Variants in LATS1 observed in about 807,000 individuals in gnomAD.
LATS1 encodes the protein serine/threonine-protein kinase LATS1.
LATS1 carries 25 observed loss-of-function variants against 106.6 expected under a neutral mutation model. The ratio of observed to expected loss-of-function variants is 0.23; its 90% CI spans 0.17 to 0.33. LATS1 has a LOEUF of 0.33. LATS1 is among the 10% of genes least tolerant of loss of function. The probability of loss-of-function intolerance (pLI) is 1.00; values close to 1 mark genes in which losing one functional copy is unlikely to be tolerated. For missense variants in LATS1, 1,040 were observed against 1,382.6 expected (o/e 0.75, Z 3.93); for synonymous variants, 465 against 455.6 (o/e 1.02, Z -0.26).
chr6:149,687,112 A>G (rs1782427340), intron 3 of LATS1, among the ~76,000 whole-genome samples: 1 of 148,256 alleles, frequency 6.7e-6, no homozygotes, highest in African/African-American at 2.5e-5. Flanking sequence ...TTTTTTTGAG[A>G]CAGAGACTTG....
chr6:149,701,945 T>C lies in LATS1; in HGVS notation c.182A>G (p.Asp61Gly), dbSNP rs773167946. Residue 61 changes from aspartate to glycine, a missense_variant, in exon 2 of 8, where the codon GAT becomes GGT. Asp to Gly is a moderately conservative substitution (Grantham distance 94). This residue lies in a region of LATS1 where 624 missense variants were observed against 714.8 expected (regional missense o/e 0.87). Coordinates refer to ENST00000543571, the MANE Select transcript of LATS1 (RefSeq NM_004690.4). ...EHNMSKMSTE[D>G]PRQVRNPPKF... The stretch of plus-strand genomic sequence containing the variant: ...GGGTGGATTTCTGACTTGTCGAGGA[T>C]CTTCGGTTGACATTTTACTCATGTT... 1.2e-6 allele frequency: 2 copies of C among 1,614,064 alleles called. No homozygotes were observed. The highest frequency in any genetic ancestry group is 2.7e-5 in the African/African-American group (2 of 74,928).
chr6:149,695,563 G>A (rs1582900812), intron 2 of LATS1, among the ~76,000 whole-genome samples: 1 of 151,938 alleles, frequency 6.6e-6, no homozygotes, highest in African/African-American at 2.4e-5. Context: ...TGTAATTCCA[G>A]CTACTCAGGA....
In LATS1 at chr6:149,676,560, C is replaced by T. The variant is rs749907686; in HGVS notation, c.2771G>A (p.Arg924Gln). ...ATATGAAAGAAGTGCTTTACCTGTT[C>T]GTAGCAACACTTCAGGTGCAATATA... ...PNYIAPEVLL[R>Q]TGYTQLCDWW... Residue 924 changes from arginine to glutamine, a missense_variant, in exon 6 of 8, where the codon CGA becomes CAA. By Grantham distance (43) the Arg-to-Gln change is conservative. Transcript: ENST00000543571. 13 of 1,613,180 alleles carry T rather than the reference C, an allele frequency of 8.1e-6. No homozygotes were observed. Among genetic ancestry groups the T allele is most frequent in the East Asian group, 2.2e-5 (1 of 44,874 alleles).
At chr6:149,687,197 T>TGC (rs1782438754) in intron 3 of LATS1, among the ~76,000 whole-genome samples, 2 of 151,796 alleles carry the variant, frequency 1.3e-5, no homozygotes, top group East Asian at 3.9e-4. Flanking sequence ...TTTAGGCGAT[T>TGC]CTCCTGCCTC....
At chr6:149,688,454 G>A (rs1415066761) in intron 3 of LATS1, among the ~76,000 whole-genome samples, 3 of 151,774 alleles carry the variant, frequency 2.0e-5, no homozygotes, top group South Asian at 2.1e-4. Flanking sequence ...GATTACAGGC[G>A]CCCACCACCA....
At chr6:149,678,571 CAGA>C (rs1312879060) in intron 5 of LATS1, among the ~76,000 whole-genome samples, 1 of 152,172 alleles carries the variant, frequency 6.6e-6, no homozygotes, top group African/African-American at 2.4e-5. Context: ...CTTGTGTTCA[CAGA>C]AGCACAGGAG....
intron 2 of LATS1, among the ~76,000 whole-genome samples, chr6:149,701,287 T>C (rs1241711035): frequency 6.6e-6 from 1 of 152,232 alleles, no homozygotes. Flanking sequence ...GACTTGGCAG[T>C]TAGCCTGAAG....
Position 149,672,715 on chromosome 6 carries a change from G to A in LATS1, c.2883+3545C>T, listed in dbSNP as rs1052590425. Among the ~76,000 whole-genome samples, 3 of 151,950 alleles carry A rather than the reference G, an allele frequency of 2.0e-5. No homozygotes were observed. The South Asian group carries it at 6.2e-4, about 31-fold the overall frequency. ...AATCCCAGCACTTTGGGAGGCCGAG[G>A]TGGGTGGACCACCTGAGGTCAGGAG... On this transcript the variant is annotated intron_variant, in intron 7 of 7. Coordinates refer to ENST00000543571, the MANE Select transcript of LATS1 (RefSeq NM_004690.4).
At position 149,683,736 on chromosome 6, in the gene LATS1, G is replaced by A; in HGVS notation, c.1353C>T (p.Ile451=). 1 of 1,613,994 alleles carries A rather than the reference G, an allele frequency of 6.2e-7. No individual in the cohort carries two copies. The highest frequency in any genetic ancestry group is 1.1e-5 in the South Asian group (1 of 91,080). ...CTGGTATGTTAGGTTGCCATGTAGG[G>A]ATTTCATGCCCACTGCTCGGGGATG... ...AQSSPSSGHE[I]PTWQPNIPVR... Residue 451 remains isoleucine, a synonymous_variant, in exon 4 of 8, where the codon ATC becomes ATT. Coordinates refer to ENST00000543571, the MANE Select transcript of LATS1 (RefSeq NM_004690.4).
intron 7 of LATS1, among the ~76,000 whole-genome samples, chr6:149,668,575 A>G (rs1177733715): frequency 1.3e-5 from 2 of 150,864 alleles, no homozygotes; most frequent in Non-Finnish European, 2.9e-5. Context: ...AGCTGGGACC[A>G]CAGGCATGTG....
chr6:149,695,183 TCTG>T lies in LATS1; in HGVS notation c.384_386del (p.Asn128_Arg129delinsLys), dbSNP rs745727612. 30 of 1,609,768 alleles carry T rather than the reference TCTG, an allele frequency of 1.9e-5. No individual in the cohort carries two copies. The highest frequency in any genetic ancestry group is 2.5e-5 in the Non-Finnish European group (29 of 1,176,962). On this transcript the variant is annotated inframe_deletion, in exon 3 of 8. Transcript: ENST00000543571. Reference sequence around the variant, plus strand: ...TGAATTCAATTGCTGCTTCTATACTTCTGTTGTTAGTTTTCTGAAGAGCTTGTA... The same window carrying T: ...TGAATTCAATTGCTGCTTCTATACTTTTGTTAGTTTTCTGAAGAGCTTGTA...
chr6:149,679,858 T>G lies in LATS1; in HGVS notation c.2593+17A>C. The G allele has an allele frequency of 6.7e-7, 1 of 1,495,892 alleles. No homozygotes were observed. The highest frequency in any genetic ancestry group is 9.0e-7 in the Non-Finnish European group (1 of 1,107,822). The allele number at this position is 1,495,892 out of a possible 1,614,324, so 92.7% of individuals were successfully genotyped here. ...TTATTATGAACAAACTAAAATAAAT[T>G]TTATGAGTTTACTTACCACTCTGAT... On this transcript the variant is annotated intron_variant, in intron 5 of 7. Coordinates refer to ENST00000543571, the MANE Select transcript of LATS1 (RefSeq NM_004690.4).
At chr6:149,663,001 T>C (rs554827340) in intron 7 of LATS1, among the ~76,000 whole-genome samples, 1 of 147,302 alleles carries the variant, frequency 6.8e-6, no homozygotes, top group East Asian at 2.0e-4. Flanking sequence ...AAATCTCTGG[T>C]TATGAATAAA....
chr6:149,659,343 C>T lies in LATS1; in HGVS notation c.*2386G>A. 5.1e-6 allele frequency: 1 copy of T among 195,446 alleles called. No homozygotes were observed. The highest frequency in any genetic ancestry group is 1.1e-5 in the Non-Finnish European group (1 of 93,924). 12.1% of individuals were successfully genotyped at this position (195,446 alleles called of 1,614,324 possible). On this transcript the variant is annotated 3_prime_UTR_variant, in exon 8 of 8. Coordinates refer to ENST00000543571, the MANE Select transcript of LATS1 (RefSeq NM_004690.4). ...ATTAGCTGGGCTTGGTGGCGCATGC[C>T]CAGCTACTTGGGAGGCTGAGGCGGG...
At position 149,695,151 on chromosome 6, in the gene LATS1, T is replaced by G. The variant is rs1232722288; in HGVS notation, c.419A>C (p.Lys140Thr). ...TCGTCGAGGATCTTGGTAACTCATT[T>G]TACTAATGAATTCAATTGCTGCTTC... Reference protein sequence around the residue: ...SIEAAIEFISKMSYQDPRREQ... With the variant: ...SIEAAIEFISTMSYQDPRREQ... The change falls in exon 3 of 8, where the codon AAA becomes ACA. Residue 140 changes from lysine (K) to threonine (T), a missense_variant. By Grantham distance (78) the Lys-to-Thr change is moderately conservative. Coordinates refer to ENST00000543571, the MANE Select transcript of LATS1 (RefSeq NM_004690.4). The G allele has an allele frequency of 1.9e-6, 3 of 1,612,288 alleles. No homozygotes were observed. The East Asian group carries it at 6.7e-5, about 36-fold the overall frequency.
chr6:149,683,934 G>T lies in LATS1; in HGVS notation c.1155C>A (p.Ser385Arg). The stretch of plus-strand genomic sequence containing the variant: ...ATCCCCCTGTTTGTAAAGCAGAAGG[G>T]CTTTGTCCATTAGCTGCTGTCAGAG... ...PYPLTAANGQ[S>R]PSALQTGGSA... Residue 385 changes from serine (S) to arginine (R), a missense_variant, in exon 4 of 8, where the codon AGC becomes AGA. Ser to Arg is a moderately radical substitution (Grantham distance 110). Coordinates refer to ENST00000543571, the MANE Select transcript of LATS1 (RefSeq NM_004690.4). 6.2e-7 allele frequency: 1 copy of T among 1,614,148 alleles called. No homozygotes were observed. The highest frequency in any genetic ancestry group is 8.5e-7 in the Non-Finnish European group (1 of 1,180,008).
chr6:149,697,199 A>G (rs766747358), intron 2 of LATS1: 4 of 1,217,788 alleles, frequency 3.3e-6, no homozygotes, highest in African/African-American at 3.1e-5. Context: ...ATATGAAATG[A>G]TAAGAGAAGA....
Position 149,702,027 on chromosome 6 carries a change from T to C in LATS1, c.100A>G (p.Ile34Val), listed in dbSNP as rs754711137. Residue 34 changes from isoleucine to valine, a missense_variant, in exon 2 of 8, where the codon ATT (isoleucine) becomes GTT (valine). Physicochemically the swap from Ile to Val is conservative, Grantham distance 29 (BLOSUM62 3). Around this residue, in one of 7 missense-constraint regions of LATS1, gnomAD observed 624 missense variants for 714.8 expected, o/e 0.87. Transcript: ENST00000543571. ...GATAAATTCCTAAGGGATTCCCGAA[T>C]TTCTTGTAACATTTGCCGGCTACTG... Reference protein sequence around the residue: ...TVSSRQMLQEIRESLRNLSKP... With the variant: ...TVSSRQMLQEVRESLRNLSKP... The C allele has an allele frequency of 6.3e-5, 102 of 1,614,078 alleles. 1 individual carries two copies. Among genetic ancestry groups the C allele is most frequent in the Admixed American group, 1.5e-4 (9 of 60,002 alleles).
chr6:149,681,471 A>G (rs1413747436), intron 4 of LATS1, among the ~76,000 whole-genome samples: 2 of 152,228 alleles, frequency 1.3e-5, no homozygotes, highest in African/African-American at 4.8e-5. Flanking sequence ...CTACACAGTA[A>G]TGGAGACTAC....
Sources: allele counts gnomAD v4.1 joint callset (sites outside exome capture counted in the v4.1 genomes callset), GRCh38; gene constraint gnomAD v4.1.1; regional missense constraint gnomAD v4.1.1; transcripts MANE v1.5; gene names NCBI Gene and HGNC (gene_info 2026-07-23, HGNC 2026-07-21).